PLEKHA8: variants seen among roughly 807,000 people sequenced by gnomAD.
PLEKHA8 encodes the protein pleckstrin homology domain containing A8.
PLEKHA8 carries 36 observed loss-of-function variants against 68.2 expected under a neutral mutation model. That is an observed-to-expected ratio of 0.53 (90% CI 0.40 to 0.70). The LOEUF is 0.70. PLEKHA8 is among the 30% of genes least tolerant of loss of function. The pLI is 0.00. For synonymous variants in PLEKHA8, 211 were observed against 216.1 expected, an observed-to-expected ratio of 0.98 and a Z score of 0.20; for missense variants, 505 against 615.4, an observed-to-expected ratio of 0.82 and a Z score of 1.90.
At chr7:30,109,462 C>T (rs1796188421) in intron 13 of PLEKHA8, among the ~76,000 whole-genome samples, 1 of 151,670 alleles carries the variant, frequency 6.6e-6, no homozygotes, top group Non-Finnish European at 1.5e-5. Context: ...GTGGTGGATG[C>T]CTGTAATCCC....
At chr7:30,110,406 G>A (rs984307083) in intron 13 of PLEKHA8, among the ~76,000 whole-genome samples, 1 of 152,192 alleles carries the variant, frequency 6.6e-6, no homozygotes, top group African/African-American at 2.4e-5. Flanking sequence ...GTGTTGTGTT[G>A]ATCCATTCAC....
intron 13 of PLEKHA8, among the ~76,000 whole-genome samples, chr7:30,107,523 A>T (rs1796104910): frequency 6.6e-6 from 1 of 151,966 alleles, no homozygotes; most frequent in African/African-American, 2.4e-5. Flanking sequence ...TTACTTTCTA[A>T]TCTTTATAAA....
At chr7:30,067,512 T>A (rs1793935867) in intron 12 of PLEKHA8, among the ~76,000 whole-genome samples, 1 of 152,206 alleles carries the variant, frequency 6.6e-6, no homozygotes. Flanking sequence ...AACAAATATC[T>A]ACCACTTGAC....
chr7:30,033,555 T>C (rs1285182454), intron 1 of PLEKHA8, among the ~76,000 whole-genome samples: 1 of 152,242 alleles, frequency 6.6e-6, no homozygotes, highest in Admixed American at 6.5e-5. Flanking sequence ...TGGATTGGGC[T>C]GTTCTTTTTG....
intron 6 of PLEKHA8, 37 bp from the exon 7 acceptor site, chr7:30,052,672 G>T: frequency 3.1e-6 from 4 of 1,295,544 alleles, no homozygotes; most frequent in South Asian, 3.3e-5. Flanking sequence ...ACCAAATAAC[G>T]ACCTTCTGGC....
At chr7:30,033,970 TG>T (rs796740634) in intron 1 of PLEKHA8, among the ~76,000 whole-genome samples, 15 of 151,280 alleles carry the variant, frequency 9.9e-5, no homozygotes, top group African/African-American at 3.6e-4. Flanking sequence ...TTTGCCCATT[TG>T]TTTGGGTTAT....
intron 13 of PLEKHA8, among the ~76,000 whole-genome samples, chr7:30,126,951 A>G (rs1188464453): frequency 2.6e-5 from 4 of 152,240 alleles, no homozygotes; most frequent in African/African-American, 9.6e-5. Flanking sequence ...CAGCCAAACC[A>G]TATCATAAAC....
At chr7:30,029,485 T>C (rs1312638052) in intron 1 of PLEKHA8, among the ~76,000 whole-genome samples, 2 of 152,212 alleles carry the variant, frequency 1.3e-5, no homozygotes, top group Admixed American at 6.5e-5. Flanking sequence ...GCCCTTTTTT[T>C]CTAGTTTGTG....
At chr7:30,121,526 G>A (rs1463877710) in intron 13 of PLEKHA8, among the ~76,000 whole-genome samples, 1 of 152,158 alleles carries the variant, frequency 6.6e-6, no homozygotes, top group Admixed American at 6.5e-5. Flanking sequence ...CTACTTGGGG[G>A]GCTGAGGCAG....
chr7:30,099,036 G>A (rs980857112), intron 13 of PLEKHA8, among the ~76,000 whole-genome samples: 1 of 152,218 alleles, frequency 6.6e-6, no homozygotes, highest in Non-Finnish European at 1.5e-5. Flanking sequence ...GATTACAGGT[G>A]TGAGCCACCG....
rs1237705341 is a variant in PLEKHA8, at chr7:30,080,005, A to G, written c.*1218A>G. Reference sequence around the variant, plus strand: ...CAGCAGCATTCTTAATTGAGCCAGCATTGACACCCAGCCAGCAGGCCTTTG... The same window carrying G: ...CAGCAGCATTCTTAATTGAGCCAGCGTTGACACCCAGCCAGCAGGCCTTTG... On this transcript the variant is annotated 3_prime_UTR_variant, in exon 14 of 14. Transcript: ENST00000449726. The G allele has an allele frequency of 4.1e-6, 4 of 985,100 alleles. No individual in the cohort carries two copies. Among genetic ancestry groups the G allele is most frequent in the Admixed American group, 6.2e-5 (1 of 16,242 alleles). The allele number at this position is 985,100 out of a possible 1,614,324, so 61.0% of individuals were successfully genotyped here. A position where few individuals can be genotyped will look rare whatever the true frequency, so the allele number is the denominator to read the frequency against.
At chr7:30,107,970 G>A (rs1205960072) in intron 13 of PLEKHA8, among the ~76,000 whole-genome samples, 1 of 150,200 alleles carries the variant, frequency 6.7e-6, no homozygotes. Flanking sequence ...TCTGTAGGCT[G>A]AGGCAGGAGA....
At chr7:30,120,156 T>TAAAAAAAAAA (rs377419534) in intron 13 of PLEKHA8, among the ~76,000 whole-genome samples, 2 of 101,860 alleles carry the variant, frequency 2.0e-5, no homozygotes, top group Non-Finnish European at 4.2e-5. Flanking sequence ...TACAAATAAT[T>TAAAAAAAAAA]AAAAAAAAAA....
chr7:30,129,182 A>C, intron 13 of PLEKHA8: 1 of 1,589,788 alleles, frequency 6.3e-7, no homozygotes, highest in South Asian at 1.1e-5. Flanking sequence ...AATAATATGT[A>C]ACAGGAAGTT....
chr7:30,095,117 G>T (rs1446082151), downstream of PLEKHA8, among the ~76,000 whole-genome samples: 1 of 152,188 alleles, frequency 6.6e-6, no homozygotes, highest in Non-Finnish European at 1.5e-5. Flanking sequence ...TTCCACAATG[G>T]TTGAACTAGT....
At chr7:30,031,934 C>T (rs1562847940) in intron 1 of PLEKHA8, among the ~76,000 whole-genome samples, 1 of 151,582 alleles carries the variant, frequency 6.6e-6, no homozygotes, top group Non-Finnish European at 1.5e-5. Flanking sequence ...AAATGCTAAG[C>T]GTATTCAGGT....
At chr7:30,127,189 A>T (rs1032168278) in intron 13 of PLEKHA8, among the ~76,000 whole-genome samples, 8 of 152,212 alleles carry the variant, frequency 5.3e-5, no homozygotes, top group African/African-American at 1.9e-4. Flanking sequence ...GTAACCAGCC[A>T]CTTTTCAGAA....
Position 30,083,170 on chromosome 7 carries a change from G to A in PLEKHA8, c.*4383G>A. 1 of 983,540 alleles carries A rather than the reference G, an allele frequency of 1.0e-6. No homozygotes were observed. Among genetic ancestry groups the A allele is most frequent in the East Asian group, 1.1e-4 (1 of 8,796 alleles). 60.9% of individuals were successfully genotyped at this position (983,540 alleles called of 1,614,324 possible). On this transcript the variant is annotated 3_prime_UTR_variant, in exon 14 of 14. Transcript: ENST00000449726. ...GAGGGCCTGACTTCAGATACTCTTT[G>A]TGATCTTGTAAGGGCTCTACACAAA... is the stretch of plus-strand genomic sequence containing the variant.
intron 13 of PLEKHA8, among the ~76,000 whole-genome samples, chr7:30,113,376 T>C (rs983105562): frequency 6.6e-6 from 1 of 152,240 alleles, no homozygotes; most frequent in Non-Finnish European, 1.5e-5. Context: ...TTTCCCTCTA[T>C]ATTTTGAAGA....
Sources: gnomAD v4.1 joint callset for allele counts (sites outside exome capture counted in the v4.1 genomes callset) on GRCh38, gnomAD v4.1.1 for gene constraint, MANE v1.5 for transcripts, NCBI Gene and HGNC (gene_info 2026-07-23, HGNC 2026-07-21) for gene names.